KBTBD3: variants seen among roughly 807,000 people sequenced by gnomAD.
The protein encoded by KBTBD3 is kelch repeat and BTB domain containing 3.
KBTBD3 carries 38 observed loss-of-function variants against 49.6 expected under a neutral mutation model. The observed-to-expected ratio is 0.77, with a 90% confidence interval of 0.59 to 1.00. KBTBD3 has a LOEUF of 1.00. Among genes scored for constraint, KBTBD3 ranks in the 50% least tolerant of loss-of-function variants. KBTBD3 has a pLI of 0.00. For synonymous variants in KBTBD3, 214 were observed against 250.4 expected (o/e 0.85, Z 1.37); for missense variants, 661 against 712.0 (o/e 0.93, Z 0.81).
At chr11:106,070,855 C>T (rs888177542) in intron 2 of KBTBD3, among the ~76,000 whole-genome samples, 5 of 152,014 alleles carry the variant, frequency 3.3e-5, no homozygotes, top group Admixed American at 1.3e-4. Flanking sequence ...ACATCCATAC[C>T]GTGGAATACT....
intron 2 of KBTBD3, among the ~76,000 whole-genome samples, chr11:106,060,521 G>A (rs1360290471): frequency 6.6e-6 from 1 of 152,074 alleles, no homozygotes; most frequent in South Asian, 2.1e-4. Context: ...TGACAAACCT[G>A]ACAAAAACAA....
In KBTBD3 at chr11:106,054,067, T is replaced by A; in HGVS notation, c.622A>T (p.Asn208Tyr). 1 of 1,613,612 alleles carries A rather than the reference T, an allele frequency of 6.2e-7. No individual in the cohort carries two copies. Among genetic ancestry groups the A allele is most frequent in the Non-Finnish European group, 8.5e-7 (1 of 1,179,778 alleles). ...AGTACCATTTCTTCTTCAGGAACAT[T>A]TAATTCATCTGATTCCAGACATTTC... ...LQKCLESDELNVPEEEMVLKV... is the reference protein window; with the variant it reads ...LQKCLESDELYVPEEEMVLKV... Residue 208 changes from asparagine (N) to tyrosine (Y), a missense_variant, in exon 4 of 4, where the codon AAT becomes TAT. Transcript: ENST00000531837.
chr11:106,058,367 C>T (rs376193531), intron 3 of KBTBD3, among the ~76,000 whole-genome samples: 5 of 144,502 alleles, frequency 3.5e-5, no homozygotes, highest in African/African-American at 1.1e-4. Context: ...GGCGACAGAG[C>T]GAGACTCCCT....
chr11:106,063,823 C>T (rs997085817), intron 2 of KBTBD3, among the ~76,000 whole-genome samples: 6 of 151,996 alleles, frequency 3.9e-5, no homozygotes, highest in Non-Finnish European at 1.5e-5. Context: ...CCCAGCTACT[C>T]GGGAGGCTAA....
At chr11:106,070,318 C>A (rs760365531) in intron 2 of KBTBD3, among the ~76,000 whole-genome samples, 1 of 151,566 alleles carries the variant, frequency 6.6e-6, no homozygotes. Context: ...AAAAGACAAG[C>A]TATGAGCCAG....
intron 2 of KBTBD3, among the ~76,000 whole-genome samples, chr11:106,071,465 CAA>C (rs1301512797): frequency 6.6e-6 from 1 of 152,036 alleles, no homozygotes; most frequent in Non-Finnish European, 1.5e-5. Flanking sequence ...GATGTAAACA[CAA>C]AGTTATTTTT....
At chr11:106,067,806 TG>T (rs1257111427) in intron 2 of KBTBD3, among the ~76,000 whole-genome samples, 1 of 151,934 alleles carries the variant, frequency 6.6e-6, no homozygotes, top group African/African-American at 2.4e-5. Flanking sequence ...TAAATGTAAG[TG>T]GTCTACATAT....
intron 2 of KBTBD3, among the ~76,000 whole-genome samples, chr11:106,073,461 A>G (rs922477054): frequency 6.6e-6 from 1 of 151,974 alleles, no homozygotes; most frequent in Non-Finnish European, 1.5e-5. Context: ...TGGATAAAGG[A>G]GATACTTATC....
At chr11:106,059,890 A>G (rs544403938) in intron 2 of KBTBD3, among the ~76,000 whole-genome samples, 1 of 152,338 alleles carries the variant, frequency 6.6e-6, no homozygotes, top group Admixed American at 6.5e-5. Context: ...AGAAAAATAG[A>G]AAACCTTGAT....
At chr11:106,056,729 G>A (rs978271681) in intron 3 of KBTBD3, among the ~76,000 whole-genome samples, 4 of 152,164 alleles carry the variant, frequency 2.6e-5, no homozygotes, top group African/African-American at 9.6e-5. Flanking sequence ...TAAGTAACTT[G>A]CCTAATAAAA....
Position 106,064,604 on chromosome 11 carries a change from A to G in KBTBD3, c.-12-5495T>C, listed in dbSNP as rs867258301. On this transcript the variant is annotated intron_variant, in intron 2 of 3. Transcript: ENST00000531837. ...AAGTATTTATACTATGCAAAAGGGC[A>G]CGCAAAGCAGATAAACAGACAATAT... Among the ~76,000 whole-genome samples, 9 of 152,252 alleles carry G rather than the reference A, an allele frequency of 5.9e-5. No individual in the cohort carries two copies. In the South Asian group the frequency reaches 1.9e-3, roughly 32 times the overall value.
Position 106,051,904 on chromosome 11 carries a change from C to A in KBTBD3, c.*946G>T, listed in dbSNP as rs1860426330. 1 of 151,642 alleles carries A rather than the reference C, an allele frequency of 6.6e-6. No homozygotes were observed. Among genetic ancestry groups the A allele is most frequent in the Non-Finnish European group, 1.5e-5 (1 of 67,788 alleles). 9.4% of individuals were successfully genotyped at this position (151,642 alleles called of 1,614,324 possible). On this transcript the variant is annotated 3_prime_UTR_variant, in exon 4 of 4. Transcript: ENST00000531837. ...AATTGATATGGTACTAATTTAAATC[C>A]TGAAATGTTTTATGTAGCTGAAATT...
rs766133553 is a variant in KBTBD3, at chr11:106,053,442, C to T, written c.1247G>A (p.Arg416Gln). 1.5e-5 allele frequency: 24 copies of T among 1,613,324 alleles called. No individual in the cohort carries two copies. In the East Asian group the frequency reaches 4.0e-4, roughly 27 times the overall value. The change falls in exon 4 of 4, where the codon CGG (arginine) becomes CAG (glutamine). Residue 416 changes from arginine (R) to glutamine (Q), a missense_variant. By Grantham distance (43) the Arg-to-Gln change is conservative (BLOSUM62 1). Coordinates refer to ENST00000531837, the MANE Select transcript of KBTBD3 (RefSeq NM_198439.3). ...FVIGGKTRGS[R>Q]DIKSLLDVES... is the part of the protein sequence containing the mutation. ...AACATCTAAGAGACTTTTAATGTCC[C>T]GGGATCCTCTAGTTTTTCCACCTAT...
chr11:106,060,277 C>T (rs1385052082), intron 2 of KBTBD3, among the ~76,000 whole-genome samples: 1 of 151,112 alleles, frequency 6.6e-6, no homozygotes, highest in East Asian at 1.9e-4. Context: ...ATATACATAC[C>T]TATGTATATA....
chr11:106,062,336 A>G (rs1307875411), intron 2 of KBTBD3, among the ~76,000 whole-genome samples: 1 of 152,162 alleles, frequency 6.6e-6, no homozygotes, highest in Non-Finnish European at 1.5e-5. Context: ...ACAGTGAAAG[A>G]TTGATTTATT....
rs774373093 is a variant in KBTBD3 at position 106,058,998 on chromosome 11, G to C, written c.100C>G (p.His34Asp). 6.4e-7 allele frequency: 1 copy of C among 1,558,178 alleles called. No homozygotes were observed. Among genetic ancestry groups the C allele is most frequent in the Non-Finnish European group, 8.6e-7 (1 of 1,162,012 alleles). The change falls in exon 3 of 4, where the codon CAT becomes GAT. Residue 34 changes from histidine (H) to aspartate (D), a missense_variant. His to Asp is a moderately conservative substitution (Grantham distance 81, BLOSUM62 -1). Coordinates refer to ENST00000531837, the MANE Select transcript of KBTBD3 (RefSeq NM_198439.3). ...AGTACACTTAAGATTTTTTGTCCATGATCTTCTGATACAAGGAAGTTGTTT... is the reference window on the plus strand; with the variant it reads ...AGTACACTTAAGATTTTTTGTCCATCATCTTCTGATACAAGGAAGTTGTTT... ...KKNNFLVSED[H>D]GQKILSVLQN...
chr11:106,055,012 TAGG>T (rs987696601), intron 3 of KBTBD3, among the ~76,000 whole-genome samples: 4 of 152,136 alleles, frequency 2.6e-5, no homozygotes, highest in Middle Eastern at 3.4e-3. Context: ...TATAGTTCTT[TAGG>T]AGAAGGGGAA....
rs1860625458 is a variant in KBTBD3, at chr11:106,059,072, TATGA to T, written c.22_25del (p.Ser8MetfsTer31). The T allele has an allele frequency of 2.6e-6, 4 of 1,553,540 alleles. No individual in the cohort carries two copies. In the East Asian group the frequency reaches 9.5e-5, roughly 37 times the overall value. ...ACATGTGCTTCGTTGATTGAAAGCATATGAATTATCCATAGCCAATTCCATATGT... is the reference window on the plus strand; with the variant it reads ...ACATGTGCTTCGTTGATTGAAAGCATATTATCCATAGCCAATTCCATATGT... On this transcript the variant is annotated frameshift_variant, in exon 3 of 4. Transcript: ENST00000531837. LOFTEE classifies it high-confidence loss of function.
At chr11:106,073,995 TAGAC>T (rs1860975167) in intron 2 of KBTBD3, among the ~76,000 whole-genome samples, 1 of 152,144 alleles carries the variant, frequency 6.6e-6, no homozygotes. Flanking sequence ...CAACAAATAT[TAGAC>T]AGTTTATGGA....
Sources: gnomAD v4.1 joint callset for allele counts (sites outside exome capture counted in the v4.1 genomes callset) on GRCh38, gnomAD v4.1.1 for gene constraint, MANE v1.5 for transcripts, NCBI Gene and HGNC (gene_info 2026-07-23, HGNC 2026-07-21) for gene names.